Variants in COPE observed in about 807,000 individuals in gnomAD.
COPE encodes coatomer subunit epsilon.
In COPE, 19 loss-of-function variants were observed where a neutral mutation model predicts 42.1. That is an observed-to-expected ratio of 0.45 (90% CI 0.31 to 0.66). COPE has a LOEUF of 0.66. COPE is among the 30% of genes least tolerant of loss of function. The probability of loss-of-function intolerance (pLI) is 0.05; values close to 1 mark genes in which losing one functional copy is unlikely to be tolerated. For synonymous variants in COPE, 195 were observed against 181.3 expected (o/e 1.08, Z -0.60); for missense variants, 402 against 416.1 (o/e 0.97, Z 0.30).
At chr19:18,913,250 C>T (rs1166587192) in intron 1 of COPE, among the ~76,000 whole-genome samples, 1 of 152,172 alleles carries the variant, frequency 6.6e-6, no homozygotes, top group Non-Finnish European at 1.5e-5. Context: ...GATCTCATCC[C>T]GCGCTGACAC....
chr19:18,914,413 C>T (rs866863407), intron 1 of COPE, among the ~76,000 whole-genome samples: 3 of 151,988 alleles, frequency 2.0e-5, no homozygotes, highest in East Asian at 1.9e-4. Context: ...TGGTGGCGGG[C>T]GCCTATAATC....
intron 4 of COPE, chr19:18,905,898 G>C (rs879729522): frequency 3.7e-6 from 2 of 535,074 alleles, no homozygotes; most frequent in Non-Finnish European, 6.5e-6. Context: ...TCCATGGGCT[G>C]TGCTTCCAGA....
rs754604176 is a variant in COPE at position 18,900,461 on chromosome 19, G to T, written c.736-12C>A. ...GGGTAGCCACTATCCTGGAGACACAGGCAGACACGGGGAGGCAGGGTCAGC... is the reference window on the plus strand; with the variant it reads ...GGGTAGCCACTATCCTGGAGACACATGCAGACACGGGGAGGCAGGGTCAGC... On this transcript the variant is annotated splice_polypyrimidine_tract_variant and intron_variant, in intron 7 of 9. Coordinates refer to ENST00000262812, the MANE Select transcript of COPE (RefSeq NM_007263.4). 3.2e-6 allele frequency: 5 copies of T among 1,544,636 alleles called. No homozygotes were observed. In the South Asian group the frequency reaches 6.0e-5, roughly 18 times the overall value.
chr19:18,906,031 C>T, intron 4 of COPE: 1 of 413,606 alleles, frequency 2.4e-6, no homozygotes, highest in Non-Finnish European at 4.3e-6. Flanking sequence ...GCCACCCACT[C>T]TCTGCAGGCC....
intron 2 of COPE, among the ~76,000 whole-genome samples, chr19:18,912,476 C>G (rs1358356222): frequency 6.8e-6 from 1 of 146,864 alleles, no homozygotes; most frequent in Non-Finnish European, 1.5e-5. Context: ...AAAAAAAAAT[C>G]GGCTGGGCGC....
Position 18,919,274 on chromosome 19 carries a change from G to C in COPE, c.75C>G (p.Ala25=), listed in dbSNP as rs1285404683. ...ACTGCTGGTAGCTGCCGATGTAGAA[G>C]GCGTTCTTTACGTCGAACAGCTCGT... ...EVDELFDVKN[A]FYIGSYQQCI... is the part of the protein sequence containing the mutation. The change falls in exon 1 of 10, where the codon GCC becomes GCG. Residue 25 remains alanine (A), a synonymous_variant. Coordinates refer to ENST00000262812, the MANE Select transcript of COPE (RefSeq NM_007263.4). 1.9e-6 allele frequency: 3 copies of C among 1,613,878 alleles called. No homozygotes were observed. Among genetic ancestry groups the C allele is most frequent in the Non-Finnish European group, 2.5e-6 (3 of 1,180,032 alleles).
In COPE at chr19:18,899,911, G is replaced by A; in HGVS notation, c.841C>T (p.His281Tyr). 6.2e-7 allele frequency: 1 copy of A among 1,613,636 alleles called. No individual in the cohort carries two copies. Among genetic ancestry groups the A allele is most frequent in the Non-Finnish European group, 8.5e-7 (1 of 1,179,812 alleles). The stretch of plus-strand genomic sequence containing the variant: ...TCCTTGATGAAGGGATGGGACCTGT[G>A]GGCATCCTTCAGCTGGGACAGGTAT... ...NRYLSQLKDA[H>Y]RSHPFIKEYQ... Residue 281 changes from histidine (H) to tyrosine (Y), a missense_variant, in exon 9 of 10, where the codon CAC (histidine) becomes TAC (tyrosine). Physicochemically the swap from His to Tyr is moderately conservative, Grantham distance 83. Transcript: ENST00000262812.
At position 18,903,292 on chromosome 19, in the gene COPE, G is replaced by A. The variant is rs1371529443; in HGVS notation, c.711C>T (p.Gly237=). The A allele has an allele frequency of 1.2e-6, 2 of 1,603,076 alleles. No individual in the cohort carries two copies. ...MAQGRWEAAE[G]LLQEALDKDS... is the part of the protein sequence containing the mutation. The stretch of plus-strand genomic sequence containing the variant: ...CCTTGTCTAGCGCCTCCTGCAGCAG[G>A]CCCTCAGCGGCCTCCCAGCGGCCCT... Residue 237 remains glycine, a synonymous_variant, in exon 7 of 10, where the codon GGC becomes GGT. Transcript: ENST00000262812.
chr19:18,902,711 GAA>G (rs2056712400), intron 7 of COPE, among the ~76,000 whole-genome samples: 2 of 39,426 alleles, frequency 5.1e-5, no homozygotes, highest in Non-Finnish European at 9.6e-5. Flanking sequence ...GGAAGGAAAG[GAA>G]GGAAAGGAAA....
Position 18,903,439 on chromosome 19 carries a change from C to G in COPE, c.580-16G>C. On this transcript the variant is annotated splice_polypyrimidine_tract_variant and intron_variant, in intron 6 of 9. Transcript: ENST00000262812. ...TCTCACCACCCTGCAGGGAGGGTCC[C>G]GCATCATTGCCTGTGCCCCTGCTGC... 6.3e-7 allele frequency: 1 copy of G among 1,593,782 alleles called. No homozygotes were observed. Among genetic ancestry groups the G allele is most frequent in the South Asian group, 1.1e-5 (1 of 88,490 alleles).
intron 1 of COPE, among the ~76,000 whole-genome samples, chr19:18,917,542 A>T (rs988079095): frequency 6.6e-6 from 1 of 151,524 alleles, no homozygotes; most frequent in East Asian, 2.0e-4. Context: ...TAATTTTTGT[A>T]TTTTTTAGTA....
At chr19:18,916,698 G>GA (rs2056856486) in intron 1 of COPE, among the ~76,000 whole-genome samples, 1 of 151,592 alleles carries the variant, frequency 6.6e-6, no homozygotes, top group Non-Finnish European at 1.5e-5. Context: ...TGAGGCAGGA[G>GA]AACTGCTTGA....
At chr19:18,902,725 G>A (rs200914666) in intron 7 of COPE, among the ~76,000 whole-genome samples, 2 of 43,788 alleles carry the variant, frequency 4.6e-5, no homozygotes, top group African/African-American at 1.7e-4. Context: ...GAAAGGAAAG[G>A]AAGGAAAGGA....
chr19:18,913,234 G>A (rs1223407863), intron 1 of COPE, among the ~76,000 whole-genome samples, 188 bp from the exon 2 acceptor site: 2 of 152,142 alleles, frequency 1.3e-5, no homozygotes, highest in African/African-American at 2.4e-5. Context: ...TACACGGGGG[G>A]TGCCTGATCT....
intron 7 of COPE, among the ~76,000 whole-genome samples, chr19:18,901,235 G>A (rs1257738228): frequency 6.6e-6 from 1 of 152,264 alleles, no homozygotes; most frequent in African/African-American, 2.4e-5. Flanking sequence ...AAGAGACAAG[G>A]ACAGAAGGGA....
In COPE at chr19:18,900,023, G is replaced by T. The variant is rs543731999; in HGVS notation, c.805-76C>A. ...GGCTCTGACCTGCTGGACAGGGGTGGATTGGGGTGAGAGCCACAGTACCCC... is the reference window on the plus strand; with the variant it reads ...GGCTCTGACCTGCTGGACAGGGGTGTATTGGGGTGAGAGCCACAGTACCCC... On this transcript the variant is annotated intron_variant, in intron 8 of 9. Coordinates refer to ENST00000262812, the MANE Select transcript of COPE (RefSeq NM_007263.4). 76 of 1,324,328 alleles carry T rather than the reference G, an allele frequency of 5.7e-5. 1 individual carries two copies. In the Admixed American group the frequency reaches 1.5e-3, roughly 25 times the overall value. 82.0% of individuals were successfully genotyped at this position (1,324,328 alleles called of 1,614,324 possible). A position where few individuals can be genotyped will look rare whatever the true frequency, so the allele number is the denominator to read the frequency against.
chr19:18,905,540 G>C (rs779454339), intron 5 of COPE, 36 bp downstream of exon 5: 15 of 1,569,220 alleles, frequency 9.6e-6, no homozygotes, highest in Non-Finnish European at 1.2e-5. Flanking sequence ...TCTGGGCTGT[G>C]GCTCAGTGCG....
intron 1 of COPE, among the ~76,000 whole-genome samples, chr19:18,915,553 C>T (rs989062691): frequency 2.6e-5 from 4 of 152,188 alleles, no homozygotes; most frequent in Non-Finnish European, 4.4e-5. Flanking sequence ...GGGCTCACTA[C>T]GATCACCTGG....
chr19:18,911,412 T>C lies in COPE; in HGVS notation c.190-341A>G, dbSNP rs1369784903. 9 of 299,024 alleles carry C rather than the reference T, an allele frequency of 3.0e-5. No individual in the cohort carries two copies. The East Asian group carries it at 3.9e-4, about 13-fold the overall frequency. 18.5% of individuals were successfully genotyped at this position (299,024 alleles called of 1,614,324 possible). Reference sequence around the variant, plus strand: ...AGCAGCAGTTATGGGGGTTGTGACATGCGCTTCTATAAAGCAGGACATGCC... The same window carrying C: ...AGCAGCAGTTATGGGGGTTGTGACACGCGCTTCTATAAAGCAGGACATGCC... On this transcript the variant is annotated intron_variant, in intron 2 of 9. Coordinates refer to ENST00000262812, the MANE Select transcript of COPE (RefSeq NM_007263.4).
Sources: gnomAD v4.1 joint callset for allele counts (sites outside exome capture counted in the v4.1 genomes callset) on GRCh38, gnomAD v4.1.1 for gene constraint, MANE v1.5 for transcripts, NCBI Gene and HGNC (gene_info 2026-07-23, HGNC 2026-07-21) for gene names.